Variants in HIVEP3 observed in about 807,000 individuals in gnomAD.
HIVEP3 encodes the protein transcription factor HIVEP3.
Under a neutral mutation model 152.8 loss-of-function variants are expected in HIVEP3, and 49 were observed. The observed-to-expected ratio is 0.32, with a 90% CI of 0.26 to 0.41. HIVEP3 has a LOEUF of 0.41. HIVEP3 is among the 10% of genes least tolerant of loss of function. The probability of loss-of-function intolerance (pLI) is 1.00; values close to 1 mark genes in which losing one functional copy is unlikely to be tolerated. For synonymous variants in HIVEP3, 1,269 were observed against 1,289.0 expected, an observed-to-expected ratio of 0.98 and a Z score of 0.33; for missense variants, 2,790 against 3,103.3, an observed-to-expected ratio of 0.90 and a Z score of 2.40.
intron 1 of HIVEP3, among the ~76,000 whole-genome samples, chr1:41,748,579 A>G (rs1647108183): frequency 1.3e-5 from 2 of 152,212 alleles, no homozygotes; most frequent in Non-Finnish European, 1.5e-5. Flanking sequence ...TTTACTGAGC[A>G]CTTGTCACCT....
At chr1:41,730,824 G>C (rs1396201111) in intron 1 of HIVEP3, among the ~76,000 whole-genome samples, 1 of 152,200 alleles carries the variant, frequency 6.6e-6, no homozygotes, top group Non-Finnish European at 1.5e-5. Flanking sequence ...AGGCTGGGGG[G>C]TGGGGCAAGA....
rs567439215 is a variant in HIVEP3 at position 41,574,692 on chromosome 1, C to T, written c.5207+852G>A. Reference sequence around the variant, plus strand: ...CATGGGGACTGTCCTGCACAGGAAGCGCATTTTCCTCTACGTTGTTGTCCT... The same window carrying T: ...CATGGGGACTGTCCTGCACAGGAAGTGCATTTTCCTCTACGTTGTTGTCCT... On this transcript the variant is annotated intron_variant, in intron 5 of 8. Coordinates refer to ENST00000372583, the MANE Select transcript of HIVEP3 (RefSeq NM_024503.5). 8.5e-5 allele frequency among the ~76,000 whole-genome samples: 13 copies of T among 152,302 alleles called. No homozygotes were observed. The East Asian group carries it at 1.5e-3, about 18-fold the overall frequency.
chr1:41,822,666 C>T (rs574618468), intron 1 of HIVEP3, among the ~76,000 whole-genome samples: 1 of 152,290 alleles, frequency 6.6e-6, no homozygotes, highest in East Asian at 1.9e-4. Flanking sequence ...CCATGACAGT[C>T]CCCAGATTTG....
chr1:41,658,575 AC>A (rs34006627), intron 2 of HIVEP3, among the ~76,000 whole-genome samples: 4 of 148,990 alleles, frequency 2.7e-5, no homozygotes, highest in Admixed American at 6.7e-5. Flanking sequence ...TTCTCACTTC[AC>A]CCCCCCCATG....
At chr1:41,525,764 C>A (rs1379086186) in intron 5 of HIVEP3, among the ~76,000 whole-genome samples, 1 of 152,172 alleles carries the variant, frequency 6.6e-6, no homozygotes, top group Non-Finnish European at 1.5e-5. Flanking sequence ...ACCCACGAGT[C>A]CCACATGCGC....
chr1:41,568,778 T>G (rs1311734876), intron 5 of HIVEP3, among the ~76,000 whole-genome samples: 1 of 152,256 alleles, frequency 6.6e-6, no homozygotes, highest in African/African-American at 2.4e-5. Flanking sequence ...CTTAACTGAA[T>G]GAGTGACTTT....
intron 1 of HIVEP3, among the ~76,000 whole-genome samples, chr1:42,002,644 G>C (rs1018128022): frequency 6.6e-6 from 1 of 152,208 alleles, no homozygotes; most frequent in Admixed American, 6.5e-5. Context: ...AGCAGATCCA[G>C]TGGGGCCTGC....
chr1:41,949,535 C>CAATCTGGATTCAA (rs1381023148), intron 1 of HIVEP3, among the ~76,000 whole-genome samples: 47 of 152,166 alleles, frequency 3.1e-4, no homozygotes, highest in African/African-American at 1.1e-3. Flanking sequence ...TTATGTTAAT[C>CAATCTGGATTCAA]AATCCAGAAT....
intron 1 of HIVEP3, among the ~76,000 whole-genome samples, chr1:41,898,099 G>A (rs746235536): frequency 1.3e-5 from 2 of 152,278 alleles, no homozygotes; most frequent in South Asian, 2.1e-4. Context: ...CACAATAAAG[G>A]AGTTGTTTAA....
At chr1:42,009,841 A>T (rs1179070004) in intron 1 of HIVEP3, among the ~76,000 whole-genome samples, 1 of 152,142 alleles carries the variant, frequency 6.6e-6, no homozygotes, top group East Asian at 1.9e-4. Context: ...GTCTTTTTAC[A>T]TATTTCTTAA....
intron 2 of HIVEP3, among the ~76,000 whole-genome samples, chr1:41,697,856 G>A (rs900288401): frequency 5.9e-5 from 9 of 152,174 alleles, no homozygotes; most frequent in African/African-American, 2.2e-4. Flanking sequence ...AAAAGACATA[G>A]TATCAACCCT....
At position 41,583,277 on chromosome 1, in the gene HIVEP3, C is replaced by A; in HGVS notation, c.1521G>T (p.Glu507Asp). 6.2e-7 allele frequency: 1 copy of A among 1,613,270 alleles called. No individual in the cohort carries two copies. Among genetic ancestry groups the A allele is most frequent in the East Asian group, 2.2e-5 (1 of 44,868 alleles). Residue 507 changes from glutamate to aspartate, a missense_variant, in exon 4 of 9, where the codon GAG (glutamate) becomes GAT (aspartate). Coordinates refer to ENST00000372583, the MANE Select transcript of HIVEP3 (RefSeq NM_024503.5). This position sits in a 1 kb window ranked among gnomAD's most constrained non-coding sequence, Gnocchi z 6.9. Reference protein sequence around the residue: ...MESPKSSLYREPLSSHSEKTK... With the variant: ...MESPKSSLYRDPLSSHSEKTK... ...TTTTCTCACTGTGGGATGACAGGGG[C>A]TCCCGGTAGAGGCTGGATTTTGGGG...
At chr1:41,626,805 AC>A (rs1391817811) in intron 3 of HIVEP3, among the ~76,000 whole-genome samples, 1 of 152,150 alleles carries the variant, frequency 6.6e-6, no homozygotes, top group Non-Finnish European at 1.5e-5. Context: ...GAACATGTGG[AC>A]ATTCCTGGGG....
intron 1 of HIVEP3, among the ~76,000 whole-genome samples, chr1:41,799,567 G>A (rs571612766): frequency 1.7e-4 from 26 of 152,174 alleles, no homozygotes; most frequent in African/African-American, 5.8e-4. Context: ...TGTGTTTCTC[G>A]CCTGTAAATC....
chr1:41,623,445 G>GA (rs1645073510), intron 3 of HIVEP3, among the ~76,000 whole-genome samples: 1 of 152,096 alleles, frequency 6.6e-6, no homozygotes. Context: ...ATGTAAATAA[G>GA]AAAAAAATGA....
At chr1:41,896,597 C>T (rs1317972287) in intron 1 of HIVEP3, among the ~76,000 whole-genome samples, 4 of 146,004 alleles carry the variant, frequency 2.7e-5, no homozygotes, top group Non-Finnish European at 6.0e-5. Flanking sequence ...TTTTTTGAGA[C>T]GGAGTGTCAC....
At chr1:41,624,180 C>T (rs114239659) in intron 3 of HIVEP3, among the ~76,000 whole-genome samples, 114 of 152,332 alleles carry the variant, frequency 7.5e-4, no homozygotes, top group African/African-American at 2.6e-3. Context: ...CCTTCCTCCT[C>T]TGCCTCCAAC....
At chr1:41,917,072 T>C (rs1489788509) in intron 1 of HIVEP3, among the ~76,000 whole-genome samples, 1 of 152,132 alleles carries the variant, frequency 6.6e-6, no homozygotes, top group Admixed American at 6.5e-5. Flanking sequence ...TTGCTAGAAT[T>C]ATTCCTCCTT....
chr1:41,990,446 G>T (rs1476010157), intron 1 of HIVEP3, among the ~76,000 whole-genome samples: 1 of 149,436 alleles, frequency 6.7e-6, no homozygotes, highest in Non-Finnish European at 1.5e-5. Context: ...AACAAGAAGA[G>T]CTAACTATCC....
Sources: gnomAD v4.1 joint callset for allele counts (sites outside exome capture counted in the v4.1 genomes callset) on GRCh38, gnomAD v4.1.1 for gene constraint, Gnocchi (gnomAD v3.1) non-coding constraint, MANE v1.5 for transcripts, NCBI Gene and HGNC (gene_info 2026-07-23, HGNC 2026-07-21) for gene names.